TMEM123: variants seen among roughly 807,000 people sequenced by gnomAD.
TMEM123 encodes transmembrane protein 123, also known as porimin.
A neutral mutation model predicts 19.7 loss-of-function variants in TMEM123; 16 were observed. That is an observed-to-expected ratio of 0.81 (90% CI 0.55 to 1.23). TMEM123 has a LOEUF of 1.23. Among genes scored for constraint, TMEM123 ranks in the 50% most tolerant of loss-of-function variants. The pLI is 0.00. For missense variants in TMEM123, 313 were observed against 257.8 expected, an observed-to-expected ratio of 1.21 and a Z score of -1.47; for synonymous variants, 118 against 99.4, an observed-to-expected ratio of 1.19 and a Z score of -1.12.
intron 2 of TMEM123, among the ~76,000 whole-genome samples, chr11:102,419,267 T>C (rs1315396487): frequency 6.6e-6 from 1 of 152,266 alleles, no homozygotes; most frequent in Non-Finnish European, 1.5e-5. Context: ...CATTCATTCA[T>C]CCATATTTAA....
chr11:102,420,222 C>CT (rs1334574833), intron 2 of TMEM123, among the ~76,000 whole-genome samples: 4 of 152,278 alleles, frequency 2.6e-5, no homozygotes, highest in Admixed American at 6.5e-5. Flanking sequence ...CCCAAGGCTT[C>CT]TGGTTAGGTT....
At chr11:102,447,784 C>A (rs775193608) in intron 2 of TMEM123, among the ~76,000 whole-genome samples, 1 of 152,090 alleles carries the variant, frequency 6.6e-6, no homozygotes, top group Non-Finnish European at 1.5e-5. Context: ...TAAAGTATGT[C>A]CTGACTACGT....
chr11:102,446,332 G>T (rs972047719), intron 2 of TMEM123, among the ~76,000 whole-genome samples: 1 of 152,156 alleles, frequency 6.6e-6, no homozygotes, highest in Non-Finnish European at 1.5e-5. Flanking sequence ...CTGCAGACAA[G>T]AATGTCAAAA....
At chr11:102,451,875 TCG>T (rs1857943502) in intron 1 of TMEM123, among the ~76,000 whole-genome samples, 1 of 152,106 alleles carries the variant, frequency 6.6e-6, no homozygotes, top group Non-Finnish European at 1.5e-5. Context: ...GCCGCGCGCC[TCG>T]GCCGGGTGTT....
chr11:102,427,980 C>T (rs116030338), intron 2 of TMEM123, among the ~76,000 whole-genome samples: 136 of 152,094 alleles, frequency 8.9e-4, no homozygotes, highest in Middle Eastern at 3.4e-3. Flanking sequence ...AATCTTCTGG[C>T]AAGACACTCT....
Position 102,397,202 on chromosome 11 carries a change from T to C in TMEM123, c.*1665A>G, listed in dbSNP as rs1179642182. 6.6e-6 allele frequency: 1 copy of C among 152,104 alleles called. No individual in the cohort carries two copies. The highest frequency in any genetic ancestry group is 6.5e-5 in the Admixed American group (1 of 15,282). 9.4% of individuals were successfully genotyped at this position (152,104 alleles called of 1,614,324 possible). ...TTTGGATCATTTTTTTCTATATTCA[T>C]CAGATTATTGGTTAAAATGCACAGC... On this transcript the variant is annotated 3_prime_UTR_variant, in exon 5 of 5. Coordinates refer to ENST00000398136, the MANE Select transcript of TMEM123 (RefSeq NM_052932.3).
chr11:102,448,743 C>T (rs1857908694), intron 2 of TMEM123, 69 bp downstream of exon 2: 7 of 1,491,586 alleles, frequency 4.7e-6, no homozygotes, highest in Non-Finnish European at 6.5e-6. Flanking sequence ...ATGCCTACTT[C>T]CCTGGCTGTT....
At position 102,404,558 on chromosome 11, in the gene TMEM123, A is replaced by G. The variant is rs77469428; in HGVS notation, c.158-2352T>C. On this transcript the variant is annotated intron_variant, in intron 2 of 4. Coordinates refer to ENST00000398136, the MANE Select transcript of TMEM123 (RefSeq NM_052932.3). ...CTCAGCCTCTCAAAGTGCTAGTACT[A>G]CAGGTGTGAGCCCCTGCACCTGGCC... Among the ~76,000 whole-genome samples the G allele has an allele frequency of 7.0e-3, 1,069 of 152,038 alleles. 3 individuals are homozygous for G. The highest frequency in any genetic ancestry group is 0.011 in the Non-Finnish European group (752 of 67,984).
intron 2 of TMEM123, among the ~76,000 whole-genome samples, chr11:102,412,743 A>G (rs2135848353): frequency 6.6e-6 from 1 of 152,330 alleles, no homozygotes; most frequent in South Asian, 2.1e-4. Flanking sequence ...AATATATAAA[A>G]CAAAATACGA....
At chr11:102,427,712 C>G (rs1294725458) in intron 2 of TMEM123, among the ~76,000 whole-genome samples, 2 of 151,416 alleles carry the variant, frequency 1.3e-5, no homozygotes, top group Admixed American at 6.6e-5. Flanking sequence ...GTGGTACACA[C>G]CTGTAGTCCC....
chr11:102,402,962 T>C (rs72978261), intron 2 of TMEM123, among the ~76,000 whole-genome samples: 2,195 of 152,268 alleles, frequency 0.014, 30 homozygotes, highest in South Asian at 0.041. Flanking sequence ...TTTTGGGGGG[T>C]ATAATGTAAA....
chr11:102,449,720 A>G (rs1332474473), intron 1 of TMEM123, among the ~76,000 whole-genome samples: 1 of 152,232 alleles, frequency 6.6e-6, no homozygotes, highest in African/African-American at 2.4e-5. Flanking sequence ...CAAGGTCAAC[A>G]GACTACGTAG....
rs530238498 is a variant in TMEM123 at position 102,425,419 on chromosome 11, T to C, written c.158-23213A>G. 4.7e-4 allele frequency among the ~76,000 whole-genome samples: 71 copies of C among 152,280 alleles called. 1 individual carries two copies. In the South Asian group the frequency reaches 0.014, roughly 30 times the overall value. ...GTTGGCTTGGACCTTCTTTTGAGCA[T>C]AGACCCATTTCCTTCCCCCTCACCA... On this transcript the variant is annotated intron_variant, in intron 2 of 4. Coordinates refer to ENST00000398136, the MANE Select transcript of TMEM123 (RefSeq NM_052932.3).
chr11:102,440,638 T>C (rs1368156793), intron 2 of TMEM123, among the ~76,000 whole-genome samples: 2 of 152,146 alleles, frequency 1.3e-5, no homozygotes, highest in Admixed American at 1.3e-4. Flanking sequence ...GAAACTGCAT[T>C]AACTAACGAG....
At chr11:102,440,555 A>C (rs896906605) in intron 2 of TMEM123, among the ~76,000 whole-genome samples, 1 of 152,254 alleles carries the variant, frequency 6.6e-6, no homozygotes, top group East Asian at 1.9e-4. Flanking sequence ...AGGAAGCACT[A>C]AACATGGAAA....
rs754431473 is a variant in TMEM123 at position 102,427,447 on chromosome 11, C to CT, written c.157+21364dup. Among the ~76,000 whole-genome samples the CT allele has an allele frequency of 6.8e-3, 839 of 122,588 alleles. 6 individuals are homozygous for CT. Among genetic ancestry groups the CT allele is most frequent in the East Asian group, 0.011 (44 of 4,148 alleles). The allele number at this position is 122,588 out of a possible 152,430, so 80.4% of individuals were successfully genotyped here. On this transcript the variant is annotated intron_variant, in intron 2 of 4. Transcript: ENST00000398136. ...AGAAGAAATAGGGAGGGTATAAATT[C>CT]TTTTTTTTTTTTTTTTTTGGAGACA...
chr11:102,451,916 C>A (rs984923457), intron 1 of TMEM123, among the ~76,000 whole-genome samples: 2 of 152,240 alleles, frequency 1.3e-5, no homozygotes, highest in African/African-American at 4.8e-5. Flanking sequence ...GAGAGCGCCC[C>A]GCCATGGGGG....
At chr11:102,419,661 C>G (rs1278289479) in intron 2 of TMEM123, among the ~76,000 whole-genome samples, 3 of 152,134 alleles carry the variant, frequency 2.0e-5, no homozygotes, top group Non-Finnish European at 4.4e-5. Context: ...CAATAGGTCT[C>G]TATTAGAAGA....
Position 102,440,597 on chromosome 11 carries a change from G to A in TMEM123, c.157+8215C>T, listed in dbSNP as rs1032903076. 3.3e-5 allele frequency among the ~76,000 whole-genome samples: 5 copies of A among 152,154 alleles called. No individual in the cohort carries two copies. In the East Asian group the frequency reaches 9.6e-4, roughly 29 times the overall value. On this transcript the variant is annotated intron_variant, in intron 2 of 4. Transcript: ENST00000398136. Reference sequence around the variant, plus strand: ...ACCGTACCAGCCACTGCAAAAACATGTCAAATTGTAAAGACCATCGATGAT... The same window carrying A: ...ACCGTACCAGCCACTGCAAAAACATATCAAATTGTAAAGACCATCGATGAT...
Sources: gnomAD v4.1 joint callset for allele counts (sites outside exome capture counted in the v4.1 genomes callset) on GRCh38, gnomAD v4.1.1 for gene constraint, MANE v1.5 for transcripts, NCBI Gene and HGNC (gene_info 2026-07-23, HGNC 2026-07-21) for gene names.